The following LMNTD1 variants were observed in gnomAD, a reference collection of about 807,000 sequenced individuals.
LMNTD1 encodes the protein lamin tail domain containing 1.
LMNTD1 carries 35 observed loss-of-function variants against 50.9 expected under a neutral mutation model. The observed-to-expected ratio is 0.69, with a 90% confidence interval of 0.53 to 0.91. The LOEUF (loss-of-function observed/expected upper bound fraction) is 0.91, where lower values mean the gene tolerates loss of function less well. Among genes scored for constraint, LMNTD1 ranks in the 40% least tolerant of loss-of-function variants. The probability of loss-of-function intolerance (pLI) is 0.00; values close to 1 mark genes in which losing one functional copy is unlikely to be tolerated. For missense variants in LMNTD1, 470 were observed against 475.5 expected (o/e 0.99, Z 0.11); for synonymous variants, 153 against 161.9 (o/e 0.94, Z 0.42).
chr12:25,556,657 G>C (rs554420194), upstream of LMNTD1, among the ~76,000 whole-genome samples: 51 of 152,256 alleles, frequency 3.3e-4, no homozygotes, highest in African/African-American at 1.2e-3. Context: ...TTTTGCTGGG[G>C]AATTGAAGCC....
chr12:25,543,282 A>G (rs1487859247), intron 4 of LMNTD1, among the ~76,000 whole-genome samples: 2 of 152,046 alleles, frequency 1.3e-5, no homozygotes, highest in Non-Finnish European at 2.9e-5. Context: ...CAGTGGAATT[A>G]CCGTGATACC....
At chr12:25,612,644 TCTGATGAA>T (rs1347605403) in intron 1 of LMNTD1, among the ~76,000 whole-genome samples, 1 of 152,094 alleles carries the variant, frequency 6.6e-6, no homozygotes, top group East Asian at 1.9e-4. Flanking sequence ...TGAATGAAGC[TCTGATGAA>T]CTGATCTAAA....
chr12:25,547,226 T>C (rs967742663), intron 3 of LMNTD1: 14 of 958,418 alleles, frequency 1.5e-5, no homozygotes, highest in Admixed American at 6.2e-5. Flanking sequence ...GGGAGTTACA[T>C]TACAAAGACG....
chr12:25,648,417 G>T (rs187108921), intron 1 of LMNTD1: 199 of 1,139,158 alleles, frequency 1.7e-4, no homozygotes, highest in Admixed American at 5.0e-4. Flanking sequence ...AAAGTGTCAG[G>T]TGTTAGTATA....
At chr12:25,582,254 C>T (rs1262929698) in intron 1 of LMNTD1, among the ~76,000 whole-genome samples, 1 of 152,216 alleles carries the variant, frequency 6.6e-6, no homozygotes, top group Non-Finnish European at 1.5e-5. Context: ...TCTACAGCCA[C>T]AAATAACCCT....
At chr12:25,548,147 A>G (rs1335053314) in intron 3 of LMNTD1, among the ~76,000 whole-genome samples, 1 of 151,854 alleles carries the variant, frequency 6.6e-6, no homozygotes, top group Non-Finnish European at 1.5e-5. Flanking sequence ...TTCTTGGGAA[A>G]TTTTATACTT....
At chr12:25,612,943 CAG>C (rs1028016403) in intron 1 of LMNTD1, among the ~76,000 whole-genome samples, 1 of 152,054 alleles carries the variant, frequency 6.6e-6, no homozygotes, top group African/African-American at 2.4e-5. Flanking sequence ...TATAGGCAGA[CAG>C]AGGGAGATCT....
At chr12:25,482,043 T>C (rs111966061) in intron 9 of LMNTD1, among the ~76,000 whole-genome samples, 21 of 152,004 alleles carry the variant, frequency 1.4e-4, no homozygotes, top group East Asian at 9.6e-4. Context: ...TAGCTGACTA[T>C]AGAAATAAAT....
intron 1 of LMNTD1, among the ~76,000 whole-genome samples, chr12:25,570,229 T>G (rs1331651571): frequency 6.6e-6 from 1 of 152,214 alleles, no homozygotes; most frequent in Non-Finnish European, 1.5e-5. Context: ...TAGATGAAAC[T>G]ATAGTAGCTG....
chr12:25,604,661 C>T (rs1455127425), intron 1 of LMNTD1, among the ~76,000 whole-genome samples: 1 of 152,098 alleles, frequency 6.6e-6, no homozygotes, highest in African/African-American at 2.4e-5. Flanking sequence ...ATCCATGTCC[C>T]CATAAAGGAC....
intron 1 of LMNTD1, among the ~76,000 whole-genome samples, chr12:25,585,328 T>C (rs1328418016): frequency 6.6e-6 from 1 of 152,204 alleles, no homozygotes; most frequent in Non-Finnish European, 1.5e-5. Context: ...AACCTTCAGC[T>C]GAATTTAGAT....
At chr12:25,531,841 T>A (rs560147756) in intron 4 of LMNTD1, among the ~76,000 whole-genome samples, 4 of 152,366 alleles carry the variant, frequency 2.6e-5, no homozygotes, top group Admixed American at 6.5e-5. Context: ...TGTGATTCAG[T>A]CTAGATATTT....
chr12:25,640,530 A>G (rs1229865171), intron 1 of LMNTD1, among the ~76,000 whole-genome samples: 1 of 152,032 alleles, frequency 6.6e-6, no homozygotes, highest in African/African-American at 2.4e-5. Flanking sequence ...CTAAAATTAT[A>G]TTGTGGTGAT....
chr12:25,571,985 T>C (rs563322033), intron 1 of LMNTD1, among the ~76,000 whole-genome samples: 4 of 152,262 alleles, frequency 2.6e-5, no homozygotes, highest in Admixed American at 2.0e-4. Flanking sequence ...CCAAGTGGAT[T>C]TCTATAAAGG....
chr12:25,498,638 CTG>C (rs1193819537), intron 9 of LMNTD1, among the ~76,000 whole-genome samples: 3 of 152,174 alleles, frequency 2.0e-5, no homozygotes, highest in Non-Finnish European at 4.4e-5. Context: ...AAAATAAAGA[CTG>C]TGCTGGTTTT....
intron 1 of LMNTD1, among the ~76,000 whole-genome samples, chr12:25,585,778 G>A (rs57608008): frequency 0.12 from 18,766 of 152,216 alleles, 1,444 homozygotes; most frequent in South Asian, 0.25. Context: ...GGTGAGTTAT[G>A]CATGGCTGGG....
chr12:25,519,610 T>TAAAAAAAAAAAAAAAAAAAAAA (rs1941129712), intron 7 of LMNTD1, among the ~76,000 whole-genome samples: 1 of 72,460 alleles, frequency 1.4e-5, no homozygotes. Context: ...AAAAAAAAAG[T>TAAAAAAAAAAAAAAAAAAAAAA]GAAATGGCCA....
chr12:25,581,792 C>T (rs181767108), intron 1 of LMNTD1, among the ~76,000 whole-genome samples: 4 of 152,246 alleles, frequency 2.6e-5, no homozygotes, highest in Non-Finnish European at 4.4e-5. Flanking sequence ...GCCTATTGCC[C>T]CTAGGCTACA....
chr12:25,571,315 G>A (rs1008848555), intron 1 of LMNTD1, among the ~76,000 whole-genome samples: 1 of 151,306 alleles, frequency 6.6e-6, no homozygotes, highest in Non-Finnish European at 1.5e-5. Flanking sequence ...GTCACCATGG[G>A]GATTTCTTTT....
Sources: allele counts gnomAD v4.1 joint callset (sites outside exome capture counted in the v4.1 genomes callset), GRCh38; gene constraint gnomAD v4.1.1; transcripts MANE v1.5; gene names NCBI Gene and HGNC (gene_info 2026-07-23, HGNC 2026-07-21).